The following RBFOX1 variants were observed in gnomAD, a reference collection of about 807,000 sequenced individuals.
RBFOX1 encodes RNA binding fox-1 homolog 1.
A neutral mutation model predicts 57.7 loss-of-function variants in RBFOX1; 8 were observed. That is an observed-to-expected ratio of 0.14 (90% CI 0.08 to 0.25). The LOEUF (loss-of-function observed/expected upper bound fraction) is 0.25. Ranked by LOEUF, RBFOX1 falls within the 10% of genes least tolerant of loss-of-function variation. RBFOX1 has a pLI of 1.00. For synonymous variants in RBFOX1, 326 were observed against 222.4 expected (o/e 1.47, Z -4.15); for missense variants, 611 against 548.5 (o/e 1.11, Z -1.14).
At position 7,564,161 on chromosome 16, in the gene RBFOX1, C is replaced by T. The variant is rs563683464; in HGVS notation, c.271-15616C>T. Among the ~76,000 whole-genome samples, 32 of 152,110 alleles carry T rather than the reference C, an allele frequency of 2.1e-4. No individual in the cohort carries two copies. The South Asian group carries it at 5.6e-3, about 27-fold the overall frequency. ...AGGTAATTAGGTTAATTTAAGGCCA[C>T]GAGAGTAGAGCCCGATGAGACAGTA... On this transcript the variant is annotated intron_variant, in intron 5 of 15. Transcript: ENST00000550418.
At chr16:6,530,569 G>C (rs533046306) in intron 2 of RBFOX1, among the ~76,000 whole-genome samples, 2 of 152,258 alleles carry the variant, frequency 1.3e-5, no homozygotes, top group East Asian at 3.9e-4. Context: ...TCACGCTGCT[G>C]ATAAAGACAT....
chr16:6,559,172 CAT>C (rs754636029), intron 2 of RBFOX1, among the ~76,000 whole-genome samples: 12 of 130,814 alleles, frequency 9.2e-5, no homozygotes, highest in African/African-American at 3.0e-4. Flanking sequence ...TTTGTGTGTA[CAT>C]ATATATATAC....
At chr16:7,562,302 G>C (rs2090568993) in intron 5 of RBFOX1, among the ~76,000 whole-genome samples, 1 of 152,158 alleles carries the variant, frequency 6.6e-6, no homozygotes, top group Non-Finnish European at 1.5e-5. Flanking sequence ...CTGTTGGTGA[G>C]AATGCATTAG....
intron 12 of RBFOX1, among the ~76,000 whole-genome samples, chr16:7,657,758 C>T (rs551734075): frequency 3.9e-5 from 6 of 152,302 alleles, no homozygotes; most frequent in Non-Finnish European, 8.8e-5. Context: ...AACACATGAT[C>T]ATTCCTCCAG....
At chr16:5,466,496 C>A (rs1004340882) in intron 1 of RBFOX1, among the ~76,000 whole-genome samples, 1 of 152,172 alleles carries the variant, frequency 6.6e-6, no homozygotes, top group African/African-American at 2.4e-5. Flanking sequence ...AGAGAGTACT[C>A]ACAGAGTGAG....
chr16:7,408,211 CAAGTT>C lies in RBFOX1; in HGVS notation c.28-109932_28-109928del, dbSNP rs147095281. Among the ~76,000 whole-genome samples the C allele has an allele frequency of 7.9e-4, 120 of 152,254 alleles. 2 individuals carry two copies. The East Asian group carries it at 0.017, about 22-fold the overall frequency. ...GTCTTACTGCAAATAATAAAAGTCT[CAAGTT>C]AAGGGAGACTGACACTCAAATCATT... On this transcript the variant is annotated intron_variant, in intron 4 of 15. Transcript: ENST00000550418.
intron 4 of RBFOX1, among the ~76,000 whole-genome samples, chr16:7,425,306 C>T (rs998129783): frequency 2.0e-5 from 3 of 152,094 alleles, no homozygotes; most frequent in Non-Finnish European, 4.4e-5. Flanking sequence ...CTTATAAACC[C>T]GCAAGGGGTC....
At chr16:7,562,657 G>T (rs929909166) in intron 5 of RBFOX1, among the ~76,000 whole-genome samples, 2 of 152,286 alleles carry the variant, frequency 1.3e-5, no homozygotes, top group East Asian at 1.9e-4. Flanking sequence ...GGATGCATTT[G>T]ATTTCATTAG....
chr16:6,513,758 A>G (rs1045440093), intron 2 of RBFOX1, among the ~76,000 whole-genome samples: 2 of 152,112 alleles, frequency 1.3e-5, no homozygotes, highest in African/African-American at 4.8e-5. Flanking sequence ...CAAACAAAAA[A>G]AAACAAAGTC....
chr16:5,774,769 A>G (rs1277415970), intron 3 of RBFOX1, among the ~76,000 whole-genome samples: 1 of 151,882 alleles, frequency 6.6e-6, no homozygotes, highest in Admixed American at 6.6e-5. Flanking sequence ...GGCAACTTCC[A>G]CCTCCCGAGT....
chr16:6,287,463 C>G (rs888976891), intron 1 of RBFOX1, among the ~76,000 whole-genome samples: 4 of 152,008 alleles, frequency 2.6e-5, no homozygotes, highest in African/African-American at 9.7e-5. Context: ...TGTCATGTGT[C>G]AAAGATGATG....
intron 4 of RBFOX1, among the ~76,000 whole-genome samples, chr16:7,176,577 G>A (rs1177900866): frequency 6.6e-6 from 1 of 152,114 alleles, no homozygotes; most frequent in African/African-American, 2.4e-5. Flanking sequence ...ATCGATTATG[G>A]CTGTGTTTGT....
chr16:6,395,467 A>G (rs570032235), intron 2 of RBFOX1, among the ~76,000 whole-genome samples: 13 of 152,070 alleles, frequency 8.5e-5, no homozygotes, highest in African/African-American at 2.9e-4. Context: ...CCTTGTGACT[A>G]TTGCATGGTT....
At chr16:5,626,522 C>T (rs2048354874) in intron 3 of RBFOX1, among the ~76,000 whole-genome samples, 1 of 152,158 alleles carries the variant, frequency 6.6e-6, no homozygotes, top group African/African-American at 2.4e-5. Flanking sequence ...CATATGAATT[C>T]TGGCGGAACA....
At chr16:6,700,856 C>G (rs141181453) in intron 3 of RBFOX1, among the ~76,000 whole-genome samples, 260 of 152,086 alleles carry the variant, frequency 1.7e-3, no homozygotes, top group African/African-American at 5.8e-3. Flanking sequence ...AAAACTTGCA[C>G]TAGGAGTGTT....
At chr16:5,417,868 G>A (rs1288928289) in intron 1 of RBFOX1, among the ~76,000 whole-genome samples, 5 of 152,122 alleles carry the variant, frequency 3.3e-5, no homozygotes, top group Non-Finnish European at 7.3e-5. Flanking sequence ...ATCACTTGAG[G>A]TCAGGAGTTT....
At chr16:6,494,789 A>AT (rs1434921170) in intron 2 of RBFOX1, among the ~76,000 whole-genome samples, 1 of 152,220 alleles carries the variant, frequency 6.6e-6, no homozygotes, top group African/African-American at 2.4e-5. Flanking sequence ...GTACAAACTG[A>AT]TACAAGGAAA....
intron 3 of RBFOX1, among the ~76,000 whole-genome samples, chr16:6,783,402 C>G (rs1164385281): frequency 2.2e-5 from 3 of 137,624 alleles, no homozygotes; most frequent in African/African-American, 8.1e-5. Flanking sequence ...TTTTGTGTCC[C>G]TGTTAAAGGT....
intron 5 of RBFOX1, among the ~76,000 whole-genome samples, chr16:7,540,218 T>C: frequency 6.6e-6 from 1 of 152,250 alleles, no homozygotes; most frequent in East Asian, 1.9e-4. Context: ...TCCCTGCCTG[T>C]ACCATTTTGT....
Sources: gnomAD v4.1 joint callset for allele counts (sites outside exome capture counted in the v4.1 genomes callset) on GRCh38, gnomAD v4.1.1 for gene constraint, MANE v1.5 for transcripts, NCBI Gene and HGNC (gene_info 2026-07-23, HGNC 2026-07-21) for gene names.